Variants in IL1R2 observed in about 807,000 individuals in gnomAD.
IL1R2 encodes interleukin-1 receptor type 2.
Under a neutral mutation model 39.5 loss-of-function variants are expected in IL1R2, and 46 were observed. That is an observed-to-expected ratio of 1.16 (90% CI 0.92 to 1.49). The LOEUF (loss-of-function observed/expected upper bound fraction) is 1.49. IL1R2 is among the 40% of genes most tolerant of loss of function. The pLI is 0.00. For synonymous variants in IL1R2, 207 were observed against 189.6 expected, an observed-to-expected ratio of 1.09 and a Z score of -0.75; for missense variants, 537 against 502.0, an observed-to-expected ratio of 1.07 and a Z score of -0.67.
At position 102,026,175 on chromosome 2, in the gene IL1R2, G is replaced by T; in HGVS notation, c.952G>T (p.Glu318Ter). 2 of 1,610,706 alleles carry T rather than the reference G, an allele frequency of 1.2e-6. No homozygotes were observed. Among genetic ancestry groups the T allele is most frequent in the Non-Finnish European group, 1.7e-6 (2 of 1,176,946 alleles). The change falls in exon 8 of 9, where the codon GAG becomes TAG. Residue 318 changes from glutamate to a stop codon, truncating the protein, a stop_gained. Transcript: ENST00000332549. LOFTEE classifies it high-confidence loss of function. ...VPLIFDPVTR[E>*]DLHMDFKCVV... is the part of the protein sequence containing the mutation. ...ATTGATTTTTGATCCTGTCACAAGA[G>T]AGGATTTGCACATGGATTTTAAATG...
At position 102,008,496 on chromosome 2, in the gene IL1R2, CCT is replaced by C; in HGVS notation, c.-61-16_-61-15del. On this transcript the variant is annotated splice_polypyrimidine_tract_variant and intron_variant, in intron 1 of 8. Coordinates refer to ENST00000332549, the MANE Select transcript of IL1R2 (RefSeq NM_004633.4). Reference sequence around the variant, plus strand: ...GCAGGGTTCTTGGTTCCTGGTGACACCTCTGTTTCCTCCCCTAGGCCACGTGC... The same window carrying C: ...GCAGGGTTCTTGGTTCCTGGTGACACCTGTTTCCTCCCCTAGGCCACGTGC... 9.2e-7 allele frequency: 1 copy of C among 1,090,616 alleles called. No homozygotes were observed. Among genetic ancestry groups the C allele is most frequent in the Non-Finnish European group, 1.4e-6 (1 of 703,164 alleles). The allele number at this position is 1,090,616 out of a possible 1,614,324, so 67.6% of individuals were successfully genotyped here.
chr2:102,009,476 T>A (rs1479904402), intron 2 of IL1R2, 86 bp from the exon 3 acceptor site: 1 of 1,431,700 alleles, frequency 7.0e-7, no homozygotes, highest in Non-Finnish European at 9.5e-7. Context: ...CCTGCCAGAA[T>A]CAGGATCAGT....
intron 1 of IL1R2, among the ~76,000 whole-genome samples, chr2:102,000,115 C>T (rs1243731631): frequency 1.3e-5 from 2 of 152,210 alleles, no homozygotes; most frequent in Admixed American, 6.5e-5. Context: ...TTTCTCATCA[C>T]GTCTTCCAAC....
At chr2:102,022,479 T>G (rs1384606836) in intron 6 of IL1R2, among the ~76,000 whole-genome samples, 1 of 152,236 alleles carries the variant, frequency 6.6e-6, no homozygotes, top group Admixed American at 6.5e-5. Context: ...CAGGTATACT[T>G]TGCTTCATGC....
chr2:102,021,091 G>A (rs1287973867), intron 5 of IL1R2, among the ~76,000 whole-genome samples: 1 of 152,150 alleles, frequency 6.6e-6, no homozygotes, highest in African/African-American at 2.4e-5. Flanking sequence ...CTTGGAGGAG[G>A]GGAGGAAAAG....
At chr2:101,999,743 G>T (rs912891035) in intron 1 of IL1R2, among the ~76,000 whole-genome samples, 2 of 152,196 alleles carry the variant, frequency 1.3e-5, no homozygotes, top group African/African-American at 4.8e-5. Context: ...CAGGAACCCA[G>T]TTCCAACCTC....
chr2:102,026,061 A>T, intron 7 of IL1R2, 50 bp from the exon 8 acceptor site: 1 of 1,436,718 alleles, frequency 7.0e-7, no homozygotes, highest in Non-Finnish European at 9.7e-7. Flanking sequence ...TGTGAAAGAC[A>T]AGCTTGCATT....
At chr2:101,995,920 G>A (rs1675564614) in intron 1 of IL1R2, among the ~76,000 whole-genome samples, 1 of 152,204 alleles carries the variant, frequency 6.6e-6, no homozygotes, top group African/African-American at 2.4e-5. Flanking sequence ...GAGCAAGTGA[G>A]TGGATTGATG....
intron 2 of IL1R2, 103 bp from the exon 3 acceptor site, chr2:102,009,459 A>G: frequency 7.7e-7 from 1 of 1,301,642 alleles, no homozygotes; most frequent in Non-Finnish European, 1.1e-6. Flanking sequence ...AATGTGCTCC[A>G]GGTTTCCCTG....
chr2:102,000,257 C>A (rs992587651), intron 1 of IL1R2, among the ~76,000 whole-genome samples: 2 of 152,200 alleles, frequency 1.3e-5, no homozygotes, highest in African/African-American at 2.4e-5. Context: ...GGTGTGACAT[C>A]TACTCCTCCT....
chr2:102,009,494 G>A, intron 2 of IL1R2, 68 bp from the exon 3 acceptor site: 2 of 1,523,716 alleles, frequency 1.3e-6, no homozygotes, highest in Non-Finnish European at 1.8e-6. Flanking sequence ...AGTCCCAGGT[G>A]CAGGGAGGTT....
chr2:102,008,367 A>G, intron 1 of IL1R2, 148 bp from the exon 2 acceptor site: 2 of 568,258 alleles, frequency 3.5e-6, no homozygotes, highest in Non-Finnish European at 6.4e-6. Flanking sequence ...AAACAAATCC[A>G]AAAATTTTGA....
At chr2:101,998,558 A>G (rs1393541569) in intron 1 of IL1R2, among the ~76,000 whole-genome samples, 3 of 152,224 alleles carry the variant, frequency 2.0e-5, no homozygotes, top group Non-Finnish European at 2.9e-5. Flanking sequence ...TGAGGGCTCA[A>G]CTAGGTGATT....
intron 7 of IL1R2, among the ~76,000 whole-genome samples, chr2:102,025,772 C>T (rs1402979386): frequency 1.3e-5 from 2 of 152,100 alleles, no homozygotes; most frequent in Admixed American, 1.3e-4. Context: ...CAAGTTTCCT[C>T]AAACTAGACG....
At chr2:101,996,498 T>TC (rs1192895791) in intron 1 of IL1R2, among the ~76,000 whole-genome samples, 1 of 144,946 alleles carries the variant, frequency 6.9e-6, no homozygotes, top group East Asian at 2.0e-4. Flanking sequence ...TTTTTTTTTT[T>TC]TTTTTTTGGG....
At chr2:102,002,457 A>C (rs1026043382) in intron 1 of IL1R2, among the ~76,000 whole-genome samples, 13 of 52,998 alleles carry the variant, frequency 2.5e-4, no homozygotes, top group East Asian at 6.2e-4. Context: ...GTCTGTGTCT[A>C]TGTCTCTGTC....
In IL1R2 at chr2:102,028,462, T is replaced by C. The variant is rs906199947; in HGVS notation, c.*70T>C. On this transcript the variant is annotated 3_prime_UTR_variant, in exon 9 of 9. Transcript: ENST00000332549. ...CTCTTATGGAAGTGGCTGTGTCTTT[T>C]TGAGGGACTCTGTTCTTTGCCTCAG... is the stretch of plus-strand genomic sequence containing the variant. The C allele has an allele frequency of 3.7e-6, 5 of 1,356,300 alleles. No homozygotes were observed. The highest frequency in any genetic ancestry group is 5.0e-6 in the Non-Finnish European group (5 of 995,978). 84.0% of individuals were successfully genotyped at this position (1,356,300 alleles called of 1,614,324 possible).
intron 5 of IL1R2, among the ~76,000 whole-genome samples, chr2:102,020,828 T>C (rs1368172377): frequency 6.6e-6 from 1 of 152,196 alleles, no homozygotes; most frequent in East Asian, 1.9e-4. Context: ...GTCTGTGTTG[T>C]GATCCTCCCA....
Position 102,009,608 on chromosome 2 carries a change from G to T in IL1R2, c.114G>T (p.Glu38Asp). ...CRFRGRHYKR[E>D]FRLEGEPVAL... ...TTCGTGGGAGGCATTACAAGCGGGA[G>T]TTCAGGCTGGAAGGGGAGCCTGTAG... Residue 38 changes from glutamate to aspartate, a missense_variant, in exon 3 of 9, where the codon GAG becomes GAT. Transcript: ENST00000332549. The T allele has an allele frequency of 1.2e-6, 2 of 1,614,180 alleles. No individual in the cohort carries two copies.
Sources: allele counts gnomAD v4.1 joint callset (sites outside exome capture counted in the v4.1 genomes callset), GRCh38; gene constraint gnomAD v4.1.1; transcripts MANE v1.5; gene names NCBI Gene and HGNC (gene_info 2026-07-23, HGNC 2026-07-21).